The following GPR55 variants were observed in gnomAD, a reference collection of about 807,000 sequenced individuals.
GPR55 encodes G protein-coupled receptor 55.
Under a neutral mutation model 7.9 loss-of-function variants are expected in GPR55, and 6 were observed. The observed-to-expected ratio is 0.76, with a 90% CI of 0.41 to 1.49. The LOEUF (loss-of-function observed/expected upper bound fraction) is 1.49, where lower values mean the gene tolerates loss of function less well. Ranked by LOEUF, GPR55 falls within the 40% of genes most tolerant of loss-of-function variation. GPR55 has a pLI of 0.01. For synonymous variants in GPR55, 183 were observed against 166.8 expected (o/e 1.10, Z -0.75); for missense variants, 376 against 406.0 (o/e 0.93, Z 0.63).
At chr2:230,955,758 T>C (rs1361242491) in intron 1 of GPR55, among the ~76,000 whole-genome samples, 1 of 152,222 alleles carries the variant, frequency 6.6e-6, no homozygotes, top group South Asian at 2.1e-4. Context: ...TCTCATTCCA[T>C]TGCCCAGGCT....
chr2:230,958,612 G>A (rs1196824439), intron 1 of GPR55, among the ~76,000 whole-genome samples: 1 of 152,054 alleles, frequency 6.6e-6, no homozygotes, highest in African/African-American at 2.4e-5. Context: ...ACCTCCATGA[G>A]TTCGATTGTT....
At chr2:230,940,471 A>G (rs1275119693) in intron 1 of GPR55, among the ~76,000 whole-genome samples, 1 of 152,192 alleles carries the variant, frequency 6.6e-6, no homozygotes, top group African/African-American at 2.4e-5. Flanking sequence ...GTCCTGCAGG[A>G]AGGCGCTTAT....
intron 1 of GPR55, among the ~76,000 whole-genome samples, chr2:230,921,443 A>G (rs1030221713): frequency 6.6e-6 from 1 of 152,238 alleles, no homozygotes; most frequent in Non-Finnish European, 1.5e-5. Flanking sequence ...TACACTCCTC[A>G]TTCTCGGACC....
At chr2:230,951,692 G>T (rs1185995577) in intron 1 of GPR55, among the ~76,000 whole-genome samples, 1 of 151,942 alleles carries the variant, frequency 6.6e-6, no homozygotes, top group African/African-American at 2.4e-5. Context: ...GGGTAAGCAG[G>T]GATTTTTTTC....
chr2:230,930,828 C>T (rs541652933), intron 1 of GPR55, among the ~76,000 whole-genome samples: 12 of 152,314 alleles, frequency 7.9e-5, no homozygotes, highest in South Asian at 2.1e-4. Context: ...CATGAATTAT[C>T]CTGTAGCACT....
rs866518780 is a variant in GPR55 at position 230,938,294 on chromosome 2, T to G, written c.-135+22481A>C. Among the ~76,000 whole-genome samples, 15 of 151,710 alleles carry G rather than the reference T, an allele frequency of 9.9e-5. 1 individual carries two copies. Among genetic ancestry groups the G allele is most frequent in the Admixed American group, 2.6e-4 (4 of 15,246 alleles). ...AGGAAGTGAGGCCATCAGAGTGGGC[T>G]TTATATGGAATCAATTTCCTTTAAA... On this transcript the variant is annotated intron_variant, in intron 1 of 1. Transcript: ENST00000392039.
intron 1 of GPR55, among the ~76,000 whole-genome samples, chr2:230,949,814 T>C (rs761209430): frequency 3.3e-5 from 5 of 151,084 alleles, no homozygotes; most frequent in Admixed American, 1.3e-4. Flanking sequence ...AATGTAAAAA[T>C]AATGCTTCTC....
At chr2:230,946,271 G>C (rs1037464688) in intron 1 of GPR55, among the ~76,000 whole-genome samples, 1 of 152,182 alleles carries the variant, frequency 6.6e-6, no homozygotes, top group Non-Finnish European at 1.5e-5. Context: ...AGAGGAATAC[G>C]TTCTGGAGAT....
At chr2:230,911,769 G>T (rs1312842704) in intron 1 of GPR55, among the ~76,000 whole-genome samples, 1 of 152,158 alleles carries the variant, frequency 6.6e-6, no homozygotes, top group Non-Finnish European at 1.5e-5. Flanking sequence ...ATGGAGCGGG[G>T]CCCTGAGGTC....
At chr2:230,932,748 C>G (rs1241964281) in intron 1 of GPR55, among the ~76,000 whole-genome samples, 1 of 152,216 alleles carries the variant, frequency 6.6e-6, no homozygotes, top group East Asian at 1.9e-4. Flanking sequence ...CACTCTTGCA[C>G]CACCTCCTCG....
chr2:230,947,052 C>T (rs534999580), intron 1 of GPR55, among the ~76,000 whole-genome samples: 86 of 152,336 alleles, frequency 5.6e-4, no homozygotes, highest in African/African-American at 1.8e-3. Context: ...AACTTTCTGA[C>T]GGCCCTGTCA....
chr2:230,932,861 A>T (rs1419198315), intron 1 of GPR55, among the ~76,000 whole-genome samples: 1 of 151,590 alleles, frequency 6.6e-6, no homozygotes, highest in Non-Finnish European at 1.5e-5. Context: ...TACAGGCAGG[A>T]CTGCTGCTCT....
intron 1 of GPR55, among the ~76,000 whole-genome samples, chr2:230,953,636 A>G (rs1189263506): frequency 6.6e-6 from 1 of 152,244 alleles, no homozygotes; most frequent in African/African-American, 2.4e-5. Flanking sequence ...GCCACTTAAT[A>G]TATGGCAATG....
upstream of GPR55, chr2:230,929,470 C>A (rs1690997410): frequency 6.6e-6 from 1 of 152,394 alleles, no homozygotes. Context: ...GCCTTCCCCT[C>A]CCATGTCACC....
chr2:230,932,930 G>A (rs1429815178), intron 1 of GPR55, among the ~76,000 whole-genome samples: 1 of 152,172 alleles, frequency 6.6e-6, no homozygotes, highest in Non-Finnish European at 1.5e-5. Flanking sequence ...GAGGTCACAA[G>A]GACAAATCCT....
intron 1 of GPR55, among the ~76,000 whole-genome samples, chr2:230,933,289 TGG>T (rs1394211476): frequency 6.6e-6 from 1 of 152,012 alleles, no homozygotes; most frequent in Non-Finnish European, 1.5e-5. Flanking sequence ...TCCAGCCACC[TGG>T]GCAGACTGCT....
intron 1 of GPR55, among the ~76,000 whole-genome samples, chr2:230,931,329 A>C (rs1266675216): frequency 6.6e-6 from 1 of 152,186 alleles, no homozygotes; most frequent in Non-Finnish European, 1.5e-5. Context: ...TCATTCTCCA[A>C]ACACCCTGGG....
rs776644816 is a variant in GPR55 at position 230,907,556 on chromosome 2, C to T, written c.*2447G>A. On this transcript the variant is annotated 3_prime_UTR_variant, in exon 2 of 2. Transcript: ENST00000650999. ...GGGTCCCCACGGAGAAGAGGCCCTT[C>T]TTTCCACAGTGTTTTGGGATGGGTC... is the stretch of plus-strand genomic sequence containing the variant. 6 of 152,320 alleles carry T rather than the reference C, an allele frequency of 3.9e-5. No individual in the cohort carries two copies. The highest frequency in any genetic ancestry group is 7.2e-5 in the African/African-American group (3 of 41,434). 9.4% of individuals were successfully genotyped at this position (152,320 alleles called of 1,614,324 possible).
chr2:230,918,525 G>A (rs1261387345), intron 1 of GPR55, among the ~76,000 whole-genome samples: 4 of 152,078 alleles, frequency 2.6e-5, no homozygotes, highest in Non-Finnish European at 5.9e-5. Context: ...GATAATCCCC[G>A]TGCCCTATAA....
Sources: gnomAD v4.1 joint callset for allele counts (sites outside exome capture counted in the v4.1 genomes callset) on GRCh38, gnomAD v4.1.1 for gene constraint, MANE v1.5 for transcripts, NCBI Gene and HGNC (gene_info 2026-07-23, HGNC 2026-07-21) for gene names.